POGZ: variants seen among roughly 807,000 people sequenced by gnomAD.
POGZ encodes pogo transposable element with ZNF domain.
A neutral mutation model predicts 134.6 loss-of-function variants in POGZ; 17 were observed. That is an observed-to-expected ratio of 0.13 (90% CI 0.09 to 0.19). The LOEUF (loss-of-function observed/expected upper bound fraction) is 0.19. POGZ is among the 10% of genes least tolerant of loss of function. The probability of loss-of-function intolerance (pLI) is 1.00; values close to 1 mark genes in which losing one functional copy is unlikely to be tolerated. For synonymous variants in POGZ, 693 were observed against 657.1 expected, an observed-to-expected ratio of 1.05 and a Z score of -0.84; for missense variants, 1,306 against 1,769.7, an observed-to-expected ratio of 0.74 and a Z score of 4.70.
intron 5 of POGZ, among the ~76,000 whole-genome samples, chr1:151,429,195 T>A (rs1658290055): frequency 6.7e-6 from 1 of 150,370 alleles, no homozygotes; most frequent in Admixed American, 6.6e-5. Context: ...TATTTATCCA[T>A]AAAAGGAATG....
At chr1:151,442,302 T>C in intron 1 of POGZ, 97 bp from the exon 2 acceptor site, 2 of 1,051,116 alleles carry the variant, frequency 1.9e-6, no homozygotes, top group Non-Finnish European at 2.8e-6. Context: ...ATTGGTAACC[T>C]ACCTCCTTGG....
intron 8 of POGZ, 59 bp downstream of exon 8, chr1:151,424,896 T>C: frequency 1.2e-6 from 1 of 848,118 alleles, no homozygotes; most frequent in Non-Finnish European, 2.0e-6. Flanking sequence ...AAGCTTCCAA[T>C]ATTAATGAAG....
At chr1:151,442,015 T>C in intron 2 of POGZ, 66 bp downstream of exon 2, 1 of 1,244,272 alleles carries the variant, frequency 8.0e-7, no homozygotes, top group Non-Finnish European at 1.1e-6. Flanking sequence ...TCTCACACTT[T>C]GTTAACCAAA....
chr1:151,407,080 T>C (rs1165024673), intron 16 of POGZ, 57 bp from the exon 17 acceptor site: 30 of 1,424,084 alleles, frequency 2.1e-5, no homozygotes, highest in South Asian at 2.4e-5. Flanking sequence ...CTTGAGACCA[T>C]TAAGCTTTGA....
chr1:151,434,389 G>A (rs752286476), intron 3 of POGZ, among the ~76,000 whole-genome samples: 15 of 152,002 alleles, frequency 9.9e-5, no homozygotes, highest in Non-Finnish European at 1.9e-4. Flanking sequence ...TGGGAGGATC[G>A]TTTGAGCCTG....
chr1:151,407,213 C>G (rs1465911817), intron 16 of POGZ, 22 bp downstream of exon 16: 1 of 1,539,908 alleles, frequency 6.5e-7, no homozygotes, highest in Non-Finnish European at 8.9e-7. Context: ...AATTAAGATG[C>G]TGCCAATAAG....
intron 10 of POGZ, among the ~76,000 whole-genome samples, chr1:151,420,413 C>T (rs2495379): frequency 0.98 from 148,994 of 152,216 alleles, 73,019 homozygotes; most frequent in Middle Eastern, 1. Context: ...ACCTACTGGG[C>T]TCAAGCAATC....
intron 15 of POGZ, among the ~76,000 whole-genome samples, chr1:151,407,708 T>C (rs1653895769): frequency 6.6e-6 from 1 of 151,728 alleles, no homozygotes; most frequent in Non-Finnish European, 1.5e-5. Context: ...ATGAAATGAG[T>C]GCTCAAGAAT....
At chr1:151,458,394 T>C (rs186441298) in intron 1 of POGZ, among the ~76,000 whole-genome samples, 5 of 151,874 alleles carry the variant, frequency 3.3e-5, no homozygotes, top group African/African-American at 4.8e-5. Flanking sequence ...CAAAAGAAAT[T>C]TGGGGACCGA....
chr1:151,422,180 T>A (rs1173866298), intron 10 of POGZ, among the ~76,000 whole-genome samples: 1 of 152,240 alleles, frequency 6.6e-6, no homozygotes, highest in African/African-American at 2.4e-5. Flanking sequence ...CTACTCTCCA[T>A]CCATCTAAAC....
chr1:151,433,225 A>C (rs527504106), intron 3 of POGZ, among the ~76,000 whole-genome samples: 2 of 152,308 alleles, frequency 1.3e-5, no homozygotes, highest in East Asian at 3.9e-4. Flanking sequence ...GAAACCCGTA[A>C]ATACCATTAT....
chr1:151,449,575 A>G (rs1161827402), intron 1 of POGZ, among the ~76,000 whole-genome samples: 1 of 152,182 alleles, frequency 6.6e-6, no homozygotes, highest in African/African-American at 2.4e-5. Flanking sequence ...TTCTATACAT[A>G]AAGAACTATC....
chr1:151,407,662 G>A (rs1653883208), intron 15 of POGZ, among the ~76,000 whole-genome samples: 2 of 152,184 alleles, frequency 1.3e-5, no homozygotes, highest in African/African-American at 4.8e-5. Context: ...AGCTCTAAGA[G>A]TTGAAGGAGG....
rs537896404 is a variant in POGZ at position 151,410,510 on chromosome 1, T to C, written c.1926+1115A>G. Among the ~76,000 whole-genome samples the C allele has an allele frequency of 5.3e-5, 8 of 152,312 alleles. No homozygotes were observed. The South Asian group carries it at 1.7e-3, about 32-fold the overall frequency. ...CCAGTTTCCTTAAGGTTAAGACTCT[T>C]CTGGTTTTCCTCCTAGTACTATGGT... On this transcript the variant is annotated intron_variant, in intron 12 of 18. Transcript: ENST00000271715.
At chr1:151,444,268 T>C (rs1239690615) in intron 1 of POGZ, among the ~76,000 whole-genome samples, 1 of 152,218 alleles carries the variant, frequency 6.6e-6, no homozygotes, top group East Asian at 1.9e-4. Flanking sequence ...TCAGGCTTAA[T>C]TATATGAAGA....
rs1294441733 is a variant in POGZ, at chr1:151,405,668, C to A, written c.3367G>T (p.Val1123Leu). 1 of 1,614,224 alleles carries A rather than the reference C, an allele frequency of 6.2e-7. No individual in the cohort carries two copies. The change falls in exon 19 of 19, where the codon GTG becomes TTG. Residue 1123 changes from valine (V) to leucine (L), a missense_variant. By Grantham distance (32) the Val-to-Leu change is conservative. Around this residue, in one of 10 missense-constraint regions of POGZ, gnomAD observed 161 missense variants for 185.4 expected, o/e 0.87. Transcript: ENST00000271715. The surrounding 1 kb of genome is among the most constrained non-coding windows in gnomAD (Gnocchi z 4.9). ...HNQDLPLSMI[V>L]AIDEISLFLD... ...AACAAAGAGATCTCATCAATAGCCACAATCATAGACAAGGGTAAGTCCTGG... is the reference window on the plus strand; with the variant it reads ...AACAAAGAGATCTCATCAATAGCCAAAATCATAGACAAGGGTAAGTCCTGG...
intron 7 of POGZ, chr1:151,427,066 G>A (rs1657911358): frequency 6.6e-6 from 1 of 151,600 alleles, no homozygotes; most frequent in Non-Finnish European, 1.5e-5. Flanking sequence ...CACCACGCCT[G>A]GCTAATCTTT....
intron 18 of POGZ, 30 bp from the exon 19 acceptor site, chr1:151,406,494 AG>A: frequency 6.4e-7 from 1 of 1,557,736 alleles, no homozygotes; most frequent in South Asian, 1.2e-5. Context: ...AGAGAAGAGG[AG>A]AAATCTCAGT....
chr1:151,403,135 C>T lies in POGZ; in HGVS notation c.*1667G>A. The T allele has an allele frequency of 1.2e-6, 1 of 825,648 alleles. No individual in the cohort carries two copies. The highest frequency in any genetic ancestry group is 1.5e-6 in the Non-Finnish European group (1 of 683,996). 51.1% of individuals were successfully genotyped at this position (825,648 alleles called of 1,614,324 possible). ...GTTGTTTTCAGATGTCAAAGGTTCA[C>T]AAAGCTGGCCAAGCTGTTTCTGGAA... On this transcript the variant is annotated 3_prime_UTR_variant, in exon 19 of 19. Coordinates refer to ENST00000271715, the MANE Select transcript of POGZ (RefSeq NM_015100.4).
Sources: allele counts gnomAD v4.1 joint callset (sites outside exome capture counted in the v4.1 genomes callset), GRCh38; gene constraint gnomAD v4.1.1; regional missense constraint gnomAD v4.1.1; non-coding constraint Gnocchi (gnomAD v3.1); transcripts MANE v1.5; gene names NCBI Gene and HGNC (gene_info 2026-07-23, HGNC 2026-07-21).